GSTM2: variants seen among roughly 807,000 people sequenced by gnomAD.
GSTM2 encodes the protein glutathione S-transferase mu 2, also known as GST class-mu 2.
A neutral mutation model predicts 33.3 loss-of-function variants in GSTM2; 33 were observed. That is an observed-to-expected ratio of 0.99 (90% CI 0.75 to 1.33). The LOEUF is 1.33. Ranked by LOEUF, GSTM2 falls within the 40% of genes most tolerant of loss-of-function variation. GSTM2 has a pLI of 0.00. For synonymous variants in GSTM2, 93 were observed against 95.6 expected (o/e 0.97, Z 0.16); for missense variants, 213 against 265.8 (o/e 0.80, Z 1.38).
Position 109,671,182 on chromosome 1 carries a change from A to G in GSTM2, c.361-105A>G, listed in dbSNP as rs76893735. 2.2e-3 allele frequency: 1,686 copies of G among 767,586 alleles called. 22 individuals are homozygous for G. In the African/African-American group the frequency reaches 0.025, roughly 11 times the overall value. The allele number at this position is 767,586 out of a possible 1,614,324, so 47.5% of individuals were successfully genotyped here. On this transcript the variant is annotated intron_variant, in intron 5 of 7. Transcript: ENST00000241337. ...TGACCCAGTTCCAGCTGTGGGGAAG[A>G]TGACTGCTTGCCCGCGGCCAGCTGG...
intron 5 of GSTM2, 192 bp downstream of exon 5, chr1:109,669,763 G>T (rs932190632): frequency 1.7e-6 from 1 of 576,868 alleles, no homozygotes. Context: ...TGTTCCTTCA[G>T]ATGTTCAGAT....
At chr1:109,679,295 AC>A (rs1647798403), downstream of GSTM2, among the ~76,000 whole-genome samples, 1 of 152,028 alleles carries the variant, frequency 6.6e-6, no homozygotes, top group South Asian at 2.1e-4. Context: ...ATATGGTGAA[AC>A]CCTGTCTCTA....
chr1:109,670,242 T>C (rs1253857574), intron 5 of GSTM2: 1 of 152,280 alleles, frequency 6.6e-6, no homozygotes, highest in Non-Finnish European at 1.5e-5. Context: ...TTGGTGCGTT[T>C]ACAAACCTTT....
At chr1:109,674,274 AG>A (rs1647641578) in intron 7 of GSTM2, among the ~76,000 whole-genome samples, 2 of 151,842 alleles carry the variant, frequency 1.3e-5, no homozygotes, top group Non-Finnish European at 2.9e-5. Flanking sequence ...GCCTGGTGTG[AG>A]GGGTGGTGGG....
At chr1:109,677,903 A>G (rs1647744000), downstream of GSTM2, among the ~76,000 whole-genome samples, 1 of 152,238 alleles carries the variant, frequency 6.6e-6, no homozygotes. Flanking sequence ...TAAGATATCA[A>G]CATCATAAGG....
chr1:109,677,336 C>T (rs1647730663), downstream of GSTM2, among the ~76,000 whole-genome samples: 1 of 152,162 alleles, frequency 6.6e-6, no homozygotes, highest in Admixed American at 6.5e-5. Flanking sequence ...TTCCAAGAAC[C>T]AGGTGTAGTG....
intron 5 of GSTM2, 70 bp from the exon 6 acceptor site, chr1:109,671,217 C>A: frequency 8.6e-7 from 1 of 1,157,588 alleles, no homozygotes; most frequent in South Asian, 1.2e-5. Flanking sequence ...GGGCCATGCA[C>A]AAAACTGGGA....
At chr1:109,677,763 T>G (rs748339431), downstream of GSTM2, among the ~76,000 whole-genome samples, 12 of 152,188 alleles carry the variant, frequency 7.9e-5, no homozygotes, top group Non-Finnish European at 1.6e-4. Flanking sequence ...GTAGCACACT[T>G]AAGGCCTGTC....
chr1:109,670,192 T>A (rs1647484180), intron 5 of GSTM2: 1 of 150,066 alleles, frequency 6.7e-6, no homozygotes, highest in Non-Finnish European at 1.5e-5. Flanking sequence ...ATTGGTCCGT[T>A]TTACAGAGTG....
chr1:109,668,907 T>G lies in GSTM2; in HGVS notation c.113-18T>G. On this transcript the variant is annotated intron_variant, in intron 2 of 7. Transcript: ENST00000241337. Reference sequence around the variant, plus strand: ...GGCTTTGGGGAGGTTTGTTTTCACTTCATCTTCCCCACCACAGCTCCTGAT... The same window carrying G: ...GGCTTTGGGGAGGTTTGTTTTCACTGCATCTTCCCCACCACAGCTCCTGAT... 6.2e-7 allele frequency: 1 copy of G among 1,612,168 alleles called. No homozygotes were observed. Among genetic ancestry groups the G allele is most frequent in the Non-Finnish European group, 8.5e-7 (1 of 1,179,812 alleles).
chr1:109,671,973 G>GAA (rs34285855), intron 7 of GSTM2, among the ~76,000 whole-genome samples: 871 of 76,372 alleles, frequency 0.011, 18 homozygotes, highest in African/African-American at 0.044. Flanking sequence ...TCCATCTCAA[G>GAA]AAAAAAAAAA....
At chr1:109,671,973 GAAAAAA>G (rs34285855) in intron 7 of GSTM2, among the ~76,000 whole-genome samples, 5 of 76,390 alleles carry the variant, frequency 6.5e-5, no homozygotes, top group East Asian at 3.9e-4. Flanking sequence ...TCCATCTCAA[GAAAAAA>G]AAAAAAAAAA....
At chr1:109,676,218 T>G (rs1297792012), downstream of GSTM2, among the ~76,000 whole-genome samples, 15 of 152,082 alleles carry the variant, frequency 9.9e-5, no homozygotes. Flanking sequence ...CCAAACCATA[T>G]CAGCTGGGGA....
In GSTM2 at chr1:109,671,517, C is replaced by A. The variant is rs1232108776; in HGVS notation, c.501C>A (p.Asn167Lys). The change falls in exon 7 of 8, where the codon AAC becomes AAA. Residue 167 changes from asparagine (N) to lysine (K), a missense_variant. Asn to Lys is a moderately conservative substitution (Grantham distance 94, BLOSUM62 0). Transcript: ENST00000241337. ...DFIAYDVLER[N>K]QVFEPSCLDA... ...TCGCTTATGATGTCCTTGAGAGAAACCAAGTATTTGAGCCCAGCTGCCTGG... is the reference window on the plus strand; with the variant it reads ...TCGCTTATGATGTCCTTGAGAGAAAACAAGTATTTGAGCCCAGCTGCCTGG... 6.2e-7 allele frequency: 1 copy of A among 1,613,646 alleles called. No individual in the cohort carries two copies. The highest frequency in any genetic ancestry group is 8.5e-7 in the Non-Finnish European group (1 of 1,179,658).
downstream of GSTM2, among the ~76,000 whole-genome samples, chr1:109,676,311 C>T (rs188491720): frequency 3.2e-3 from 489 of 152,212 alleles, 2 homozygotes; most frequent in African/African-American, 0.011. Context: ...GTGAGTAGGT[C>T]GATGCCAGTC....
In GSTM2 at chr1:109,674,840, C is replaced by G; in HGVS notation, c.*4C>G. 1 of 1,614,138 alleles carries G rather than the reference C, an allele frequency of 6.2e-7. No homozygotes were observed. On this transcript the variant is annotated 3_prime_UTR_variant, in exon 8 of 8. Coordinates refer to ENST00000241337, the MANE Select transcript of GSTM2 (RefSeq NM_000848.4). ...GGCTGTCTGGGGCAACAAGTAGGGC[C>G]TTGAAGGCCAGGAGGTGGGAGTGAG...
intron 5 of GSTM2, 193 bp downstream of exon 5, chr1:109,669,764 A>G: frequency 1.7e-6 from 1 of 575,624 alleles, no homozygotes; most frequent in Non-Finnish European, 3.1e-6. Context: ...GTTCCTTCAG[A>G]TGTTCAGATG....
chr1:109,668,554 G>A, intron 2 of GSTM2, 54 bp downstream of exon 2: 1 of 1,594,162 alleles, frequency 6.3e-7, no homozygotes, highest in Non-Finnish European at 8.6e-7. Context: ...TTGGCACCAA[G>A]CAACCGATAG....
chr1:109,668,079 C>T lies in GSTM2; in HGVS notation c.-37C>T, dbSNP rs780933168. On this transcript the variant is annotated 5_prime_UTR_variant, in exon 1 of 8. Transcript: ENST00000241337. ...CTCACAAACGCTGAGCCCCGCCCCG[C>T]TGAGGCCTGTCTGCAGAATCCACAG... The T allele has an allele frequency of 6.2e-7, 1 of 1,612,010 alleles. No homozygotes were observed. Among genetic ancestry groups the T allele is most frequent in the South Asian group, 1.1e-5 (1 of 91,050 alleles).
Sources: allele counts gnomAD v4.1 joint callset (sites outside exome capture counted in the v4.1 genomes callset), GRCh38; gene constraint gnomAD v4.1.1; transcripts MANE v1.5; gene names NCBI Gene and HGNC (gene_info 2026-07-23, HGNC 2026-07-21).